DOCK3: variants seen among roughly 807,000 people sequenced by gnomAD.
DOCK3 encodes dedicator of cytokinesis protein 3.
In DOCK3, 60 loss-of-function variants were observed where a neutral mutation model predicts 265.6. That is an observed-to-expected ratio of 0.23 (90% CI 0.18 to 0.28). The LOEUF is 0.28. Ranked by LOEUF, DOCK3 falls within the 10% of genes least tolerant of loss-of-function variation. The probability of loss-of-function intolerance (pLI) is 1.00; values close to 1 mark genes in which losing one functional copy is unlikely to be tolerated. For synonymous variants in DOCK3, 881 were observed against 938.0 expected (o/e 0.94, Z 1.11); for missense variants, 1,981 against 2,594.3 (o/e 0.76, Z 5.14).
At chr3:50,938,252 A>G (rs2108214200) in intron 5 of DOCK3, among the ~76,000 whole-genome samples, 1 of 152,290 alleles carries the variant, frequency 6.6e-6, no homozygotes, top group South Asian at 2.1e-4. Flanking sequence ...TCTTAATCTA[A>G]CAGAGGTGCA....
chr3:51,355,509 TC>T (rs1015378542), intron 41 of DOCK3, among the ~76,000 whole-genome samples: 26 of 152,114 alleles, frequency 1.7e-4, no homozygotes, highest in East Asian at 7.7e-4. Context: ...GATGAGGAGT[TC>T]CTTTGGTTTG....
intron 2 of DOCK3, among the ~76,000 whole-genome samples, chr3:50,809,248 TAGA>T (rs1415978140): frequency 2.6e-5 from 4 of 152,156 alleles, no homozygotes; most frequent in Non-Finnish European, 5.9e-5. Flanking sequence ...GATAATCTAA[TAGA>T]AGAGCAGGCA....
At chr3:50,790,474 T>G in intron 2 of DOCK3, among the ~76,000 whole-genome samples, 1 of 5,972 alleles carries the variant, frequency 1.7e-4, no homozygotes, top group Admixed American at 9.6e-4. Flanking sequence ...TATTTAGAGC[T>G]TTTTTTTTTT....
chr3:50,996,011 C>T (rs549121329), intron 5 of DOCK3, among the ~76,000 whole-genome samples: 30 of 151,962 alleles, frequency 2.0e-4, no homozygotes, highest in African/African-American at 7.2e-4. Context: ...ATTCTCCTGC[C>T]TCAGCCTCCT....
chr3:51,103,279 G>T (rs1303080163), intron 9 of DOCK3, among the ~76,000 whole-genome samples: 5 of 152,130 alleles, frequency 3.3e-5, no homozygotes, highest in African/African-American at 1.2e-4. Context: ...GAGAGCCTGT[G>T]CTACAATGAG....
intron 5 of DOCK3, among the ~76,000 whole-genome samples, chr3:51,056,157 A>G (rs977835756): frequency 2.0e-5 from 3 of 152,242 alleles, no homozygotes; most frequent in African/African-American, 7.2e-5. Flanking sequence ...AAAAATTTCT[A>G]TCTTTTGTAC....
intron 2 of DOCK3, among the ~76,000 whole-genome samples, chr3:50,793,509 A>C: frequency 6.6e-6 from 1 of 151,586 alleles, no homozygotes; most frequent in Non-Finnish European, 1.5e-5. Flanking sequence ...GGCATGTGCC[A>C]CCACACCCAG....
intron 2 of DOCK3, among the ~76,000 whole-genome samples, chr3:50,816,031 GTTT>G (rs374082190): frequency 6.9e-6 from 1 of 145,548 alleles, no homozygotes; most frequent in African/African-American, 2.5e-5. Context: ...GGAAAAACTG[GTTT>G]TTTTTTTTTA....
chr3:50,926,183 C>G (rs1000550567), intron 4 of DOCK3, among the ~76,000 whole-genome samples: 3 of 152,226 alleles, frequency 2.0e-5, no homozygotes, highest in Admixed American at 1.3e-4. Flanking sequence ...TCCCCTGATG[C>G]AGTCTCTTGA....
chr3:50,679,227 G>A (rs937621510), intron 1 of DOCK3, among the ~76,000 whole-genome samples: 1 of 152,094 alleles, frequency 6.6e-6, no homozygotes, highest in Non-Finnish European at 1.5e-5. Context: ...TCCCACCTCA[G>A]CCTCCCAAGT....
intron 21 of DOCK3, among the ~76,000 whole-genome samples, chr3:51,245,308 G>A (rs1189459130): frequency 6.6e-6 from 1 of 151,862 alleles, no homozygotes; most frequent in Non-Finnish European, 1.5e-5. Flanking sequence ...CTGCACTCCA[G>A]TCTGAGCGAT....
chr3:51,221,412 T>A (rs182223056), intron 14 of DOCK3, among the ~76,000 whole-genome samples: 1 of 152,354 alleles, frequency 6.6e-6, no homozygotes, highest in East Asian at 1.9e-4. Flanking sequence ...TTGTACTTCT[T>A]GCCAGTGAAG....
At chr3:51,263,888 C>A (rs1460526482) in intron 23 of DOCK3, among the ~76,000 whole-genome samples, 1 of 152,050 alleles carries the variant, frequency 6.6e-6, no homozygotes, top group African/African-American at 2.4e-5. Context: ...ATATATGCAC[C>A]CATTAGAGGA....
At position 51,087,483 on chromosome 3, in the gene DOCK3, CCT is replaced by C. The variant is rs148654803; in HGVS notation, c.550-1758_550-1757del. On this transcript the variant is annotated intron_variant, in intron 7 of 52. Transcript: ENST00000266037. ...ACAAGTTAGACATGGAAGGAAAATACCTCAGCATAAAAGCTGTATATGACACA... is the reference window on the plus strand; with the variant it reads ...ACAAGTTAGACATGGAAGGAAAATACCAGCATAAAAGCTGTATATGACACA... Among the ~76,000 whole-genome samples, 999 of 152,240 alleles carry C rather than the reference CCT, an allele frequency of 6.6e-3. 6 individuals carry two copies. The highest frequency in any genetic ancestry group is 0.022 in the African/African-American group (934 of 41,544).
chr3:50,719,744 G>T, intron 1 of DOCK3: 1 of 1,229,202 alleles, frequency 8.1e-7, no homozygotes, highest in African/African-American at 1.5e-5. Flanking sequence ...TCTCCCTATA[G>T]ATGGACTTGC....
In DOCK3 at chr3:51,383,921, C is replaced by G. The variant is rs782569122; in HGVS notation, c.*2362C>G. On this transcript the variant is annotated 3_prime_UTR_variant, in exon 53 of 53. Transcript: ENST00000266037. ...TCCCGCATTCTGTGCTTATTTAAAA[C>G]AAGGAAACTTCTAACCATTTCTTTT... 1 of 152,534 alleles carries G rather than the reference C, an allele frequency of 6.6e-6. No homozygotes were observed. Among genetic ancestry groups the G allele is most frequent in the Non-Finnish European group, 1.5e-5 (1 of 68,008 alleles). The allele number at this position is 152,534 out of a possible 1,614,324, so 9.4% of individuals were successfully genotyped here.
intron 5 of DOCK3, among the ~76,000 whole-genome samples, chr3:51,061,939 G>A (rs944578582): frequency 6.6e-6 from 1 of 152,100 alleles, no homozygotes. Flanking sequence ...CAAAACAAGA[G>A]TGATACTTTA....
chr3:50,858,448 T>TAATAATAATAATAATAATAATAAA (rs1172394817), intron 3 of DOCK3, among the ~76,000 whole-genome samples: 1 of 122,280 alleles, frequency 8.2e-6, no homozygotes, highest in African/African-American at 2.7e-5. Context: ...ATAATAATAA[T>TAATAATAATAATAATAATAATAAA]AATAAAAATA....
At chr3:51,043,934 T>A (rs1335260859) in intron 5 of DOCK3, among the ~76,000 whole-genome samples, 2 of 152,114 alleles carry the variant, frequency 1.3e-5, no homozygotes, top group African/African-American at 2.4e-5. Flanking sequence ...TAACAGATGC[T>A]GGCAAGGTTG....
Sources: gnomAD v4.1 joint callset for allele counts (sites outside exome capture counted in the v4.1 genomes callset) on GRCh38, gnomAD v4.1.1 for gene constraint, MANE v1.5 for transcripts, NCBI Gene and HGNC (gene_info 2026-07-23, HGNC 2026-07-21) for gene names.